CFAP95: variants seen among roughly 807,000 people sequenced by gnomAD.
CFAP95 encodes the protein cilia- and flagella-associated protein 95.
the CFAP95 span, among the ~76,000 whole-genome samples, chr9:69,834,492 A>T: frequency 6.6e-6 from 1 of 152,334 alleles, no homozygotes; most frequent in African/African-American, 2.4e-5. Flanking sequence ...ATGTCCCTTC[A>T]GCTGTTTTCA....
chr9:69,830,957 G>A, the CFAP95 span, among the ~76,000 whole-genome samples: 1 of 152,110 alleles, frequency 6.6e-6, no homozygotes, highest in Admixed American at 6.6e-5. Flanking sequence ...ATTGCATCCA[G>A]ACTTCTTACT....
chr9:69,874,074 A>G, the CFAP95 span, among the ~76,000 whole-genome samples: 1 of 152,196 alleles, frequency 6.6e-6, no homozygotes, highest in African/African-American at 2.4e-5. Context: ...GGTGAAAGCC[A>G]GCCACCTAAA....
chr9:69,853,484 T>A, the CFAP95 span, among the ~76,000 whole-genome samples: 2 of 152,236 alleles, frequency 1.3e-5, no homozygotes, highest in Admixed American at 1.3e-4. Flanking sequence ...ATGGAAATTT[T>A]AGTGATTATC....
At chr9:69,864,742 G>A in the CFAP95 span, among the ~76,000 whole-genome samples, 1 of 152,104 alleles carries the variant, frequency 6.6e-6, no homozygotes, top group Non-Finnish European at 1.5e-5. Flanking sequence ...TGAGACATTA[G>A]CATCTATAAA....
chr9:69,905,209 G>A, the CFAP95 span, among the ~76,000 whole-genome samples: 11 of 151,982 alleles, frequency 7.2e-5, no homozygotes, highest in African/African-American at 2.7e-4. Flanking sequence ...TAACTATTTT[G>A]GTGTTCTTTC....
At chr9:69,894,614 TC>T in the CFAP95 span, among the ~76,000 whole-genome samples, 1 of 152,232 alleles carries the variant, frequency 6.6e-6, no homozygotes, top group Non-Finnish European at 1.5e-5. Context: ...GGAATCTGTG[TC>T]CCAGAGAGTT....
chr9:69,829,285 T>C, the CFAP95 span, among the ~76,000 whole-genome samples: 1 of 152,222 alleles, frequency 6.6e-6, no homozygotes. Context: ...CCTTTTGCCC[T>C]GACTACATTT....
the CFAP95 span, among the ~76,000 whole-genome samples, chr9:69,867,901 A>T: frequency 2.0e-5 from 3 of 152,222 alleles, no homozygotes; most frequent in South Asian, 4.1e-4. Context: ...TCTAACTAAC[A>T]TCACATGGAA....
At chr9:69,892,208 G>T in the CFAP95 span, among the ~76,000 whole-genome samples, 2 of 152,196 alleles carry the variant, frequency 1.3e-5, no homozygotes, top group South Asian at 2.1e-4. Flanking sequence ...GATTTTAAAA[G>T]AAATTAAAAT....
the CFAP95 span, among the ~76,000 whole-genome samples, chr9:69,902,613 C>A: frequency 2.6e-5 from 4 of 151,950 alleles, no homozygotes; most frequent in Non-Finnish European, 5.9e-5. Flanking sequence ...CCCACAATAC[C>A]AATTTTGCCT....
the CFAP95 span, among the ~76,000 whole-genome samples, chr9:69,837,624 G>T: frequency 2.0e-5 from 3 of 152,154 alleles, no homozygotes; most frequent in Non-Finnish European, 4.4e-5. Context: ...GTAGATTCTG[G>T]ATATTAGCCC....
the CFAP95 span, chr9:69,857,879 G>C: frequency 6.2e-7 from 1 of 1,606,844 alleles, no homozygotes; most frequent in South Asian, 1.1e-5. Context: ...ACTCTAACAA[G>C]TTTTCTAAAA....
chr9:69,853,377 A>G, the CFAP95 span, among the ~76,000 whole-genome samples: 2 of 152,366 alleles, frequency 1.3e-5, no homozygotes, highest in Non-Finnish European at 2.9e-5. Context: ...TCAGGAAAAC[A>G]GGGAATATGA....
At chr9:69,844,780 C>A in the CFAP95 span, among the ~76,000 whole-genome samples, 1 of 152,196 alleles carries the variant, frequency 6.6e-6, no homozygotes, top group East Asian at 1.9e-4. Flanking sequence ...GCAACATTAC[C>A]TGTAAAATGT....
At chr9:69,879,373 A>T in the CFAP95 span, among the ~76,000 whole-genome samples, 1 of 152,038 alleles carries the variant, frequency 6.6e-6, no homozygotes, top group Non-Finnish European at 1.5e-5. Flanking sequence ...TTTATTGGAG[A>T]TATTGGTTTG....
the CFAP95 span, among the ~76,000 whole-genome samples, chr9:69,826,515 C>A: frequency 6.6e-6 from 1 of 152,150 alleles, no homozygotes; most frequent in Non-Finnish European, 1.5e-5. Flanking sequence ...AAGTAAGGAC[C>A]CTTGGTAACA....
At chr9:69,875,642 A>G in the CFAP95 span, among the ~76,000 whole-genome samples, 2 of 152,200 alleles carry the variant, frequency 1.3e-5, no homozygotes, top group African/African-American at 4.8e-5. Flanking sequence ...TAAGCATATC[A>G]TTTGAGTCAT....
At chr9:69,841,192 A>ATATATG in the CFAP95 span, among the ~76,000 whole-genome samples, 15 of 124,440 alleles carry the variant, frequency 1.2e-4, 1 homozygote, top group African/African-American at 4.0e-4. Flanking sequence ...ATATATATAT[A>ATATATG]TATATTTCTG....
At chr9:69,904,364 C>T in the CFAP95 span, among the ~76,000 whole-genome samples, 5 of 152,152 alleles carry the variant, frequency 3.3e-5, no homozygotes, top group Non-Finnish European at 7.3e-5. Context: ...TAGCATGTAT[C>T]GGTATTTTAT....
Sources: allele counts gnomAD v4.1 joint callset (sites outside exome capture counted in the v4.1 genomes callset), GRCh38; gene constraint gnomAD v4.1.1; transcripts MANE v1.5; gene names NCBI Gene and HGNC (gene_info 2026-07-23, HGNC 2026-07-21).